The following PLCL1 variants were observed in gnomAD, a reference collection of about 807,000 sequenced individuals.
The protein encoded by PLCL1 is inactive phospholipase C-like protein 1.
In PLCL1, 41 loss-of-function variants were observed where a neutral mutation model predicts 84.4. The ratio of observed to expected loss-of-function variants is 0.49; its 90% CI spans 0.38 to 0.63. The LOEUF (loss-of-function observed/expected upper bound fraction) is 0.63, where lower values mean the gene tolerates loss of function less well. Ranked by LOEUF, PLCL1 falls within the 30% of genes least tolerant of loss-of-function variation. The pLI is 0.00. For missense variants in PLCL1, 1,206 were observed against 1,367.8 expected (o/e 0.88, Z 1.87); for synonymous variants, 490 against 488.3 (o/e 1.00, Z -0.05).
At chr2:198,130,102 C>T (rs945005294) in intron 5 of PLCL1, among the ~76,000 whole-genome samples, 1 of 152,090 alleles carries the variant, frequency 6.6e-6, no homozygotes, top group Non-Finnish European at 1.5e-5. Flanking sequence ...TCAAGCAATC[C>T]TCCTGCTTCA....
At chr2:197,860,730 T>C (rs2105693083) in intron 1 of PLCL1, among the ~76,000 whole-genome samples, 1 of 152,332 alleles carries the variant, frequency 6.6e-6, no homozygotes, top group Middle Eastern at 3.4e-3. Flanking sequence ...ACCGTTTTTC[T>C]TGTAAATTTG....
chr2:197,844,175 T>C (rs764630883), intron 1 of PLCL1, among the ~76,000 whole-genome samples: 5 of 152,146 alleles, frequency 3.3e-5, no homozygotes, highest in Non-Finnish European at 4.4e-5. Flanking sequence ...AATAGATAAT[T>C]TGATGGATTT....
intron 1 of PLCL1, among the ~76,000 whole-genome samples, chr2:197,891,201 T>C (rs890176768): frequency 2.6e-5 from 4 of 152,118 alleles, no homozygotes; most frequent in Non-Finnish European, 5.9e-5. Flanking sequence ...AAACATGTAA[T>C]TGCAATACTG....
intron 1 of PLCL1, among the ~76,000 whole-genome samples, chr2:197,972,962 C>A (rs1325304138): frequency 2.0e-5 from 3 of 152,200 alleles, no homozygotes; most frequent in African/African-American, 4.8e-5. Flanking sequence ...AAGAATCCAA[C>A]TGACACAGGT....
intron 1 of PLCL1, among the ~76,000 whole-genome samples, chr2:198,046,445 G>A (rs1192323597): frequency 6.6e-6 from 1 of 152,194 alleles, no homozygotes; most frequent in African/African-American, 2.4e-5. Flanking sequence ...CAGAAGACGG[G>A]TGATTTCTGC....
At chr2:197,897,156 CT>C (rs1429563005) in intron 1 of PLCL1, among the ~76,000 whole-genome samples, 8 of 32,384 alleles carry the variant, frequency 2.5e-4, no homozygotes, top group African/African-American at 1.9e-3. Flanking sequence ...TCTTCTTCTT[CT>C]TCTTCTTCTT....
chr2:197,875,179 G>A (rs889180772), intron 1 of PLCL1, among the ~76,000 whole-genome samples: 3 of 151,990 alleles, frequency 2.0e-5, no homozygotes, highest in Admixed American at 6.6e-5. Flanking sequence ...CCAGCTGCTC[G>A]GGAGGCTGAG....
intron 1 of PLCL1, among the ~76,000 whole-genome samples, chr2:197,952,668 A>T (rs1474501142): frequency 6.6e-6 from 1 of 152,032 alleles, no homozygotes; most frequent in African/African-American, 2.4e-5. Context: ...TCTCTTCTTG[A>T]GTTGTAGTTC....
At chr2:198,055,329 C>CTCTCTCTCTCTCTCTCTCTCTG (rs374518934) in intron 1 of PLCL1, among the ~76,000 whole-genome samples, 8 of 112,270 alleles carry the variant, frequency 7.1e-5, no homozygotes, top group African/African-American at 2.5e-4. Context: ...CTCTCTCTCT[C>CTCTCTCTCTCTCTCTCTCTCTG]TGTGTGTGTG....
intron 1 of PLCL1, among the ~76,000 whole-genome samples, chr2:198,078,797 G>A (rs1337057261): frequency 6.6e-6 from 1 of 152,040 alleles, no homozygotes; most frequent in Non-Finnish European, 1.5e-5. Flanking sequence ...TCAAAGGCAG[G>A]GAAGCTTGGG....
chr2:198,128,736 G>A (rs918492477), intron 5 of PLCL1, among the ~76,000 whole-genome samples: 5 of 152,144 alleles, frequency 3.3e-5, no homozygotes, highest in Non-Finnish European at 5.9e-5. Flanking sequence ...TAGTCAAGAA[G>A]GAGGTTTATT....
chr2:198,028,968 G>A (rs1691341660), intron 1 of PLCL1, among the ~76,000 whole-genome samples: 1 of 152,140 alleles, frequency 6.6e-6, no homozygotes, highest in Non-Finnish European at 1.5e-5. Context: ...ATTAGATATA[G>A]TTGGATTCAG....
At chr2:197,989,656 A>C (rs1320730599) in intron 1 of PLCL1, among the ~76,000 whole-genome samples, 2 of 152,112 alleles carry the variant, frequency 1.3e-5, no homozygotes, top group African/African-American at 4.8e-5. Context: ...GTGAGCTGAG[A>C]TCGCACCATT....
chr2:197,922,771 A>C (rs865814052), intron 1 of PLCL1, among the ~76,000 whole-genome samples: 20 of 69,572 alleles, frequency 2.9e-4, no homozygotes, highest in East Asian at 6.5e-4. Flanking sequence ...CTGGCCGGGC[A>C]GGGGGCTGAC....
At chr2:197,985,713 C>T (rs1191659525) in intron 1 of PLCL1, among the ~76,000 whole-genome samples, 1 of 152,214 alleles carries the variant, frequency 6.6e-6, no homozygotes, top group Non-Finnish European at 1.5e-5. Context: ...AGTTGTGGCA[C>T]AGACCTTGTG....
chr2:197,941,250 C>G (rs1698879605), intron 1 of PLCL1, among the ~76,000 whole-genome samples: 1 of 151,886 alleles, frequency 6.6e-6, no homozygotes, highest in South Asian at 2.1e-4. Flanking sequence ...GAAGCAAGTG[C>G]CCCCATGCAC....
chr2:197,966,402 G>A (rs1689735586), intron 1 of PLCL1, among the ~76,000 whole-genome samples: 1 of 152,124 alleles, frequency 6.6e-6, no homozygotes, highest in South Asian at 2.1e-4. Context: ...TAGCCAGGGT[G>A]ATAAGCCTTG....
chr2:197,838,464 C>T (rs1433595898), intron 1 of PLCL1, among the ~76,000 whole-genome samples: 1 of 152,038 alleles, frequency 6.6e-6, no homozygotes, highest in Non-Finnish European at 1.5e-5. Flanking sequence ...TTGGAGAAGA[C>T]TAAGGCTGGG....
intron 1 of PLCL1, among the ~76,000 whole-genome samples, chr2:198,038,251 C>A (rs1485888627): frequency 6.6e-6 from 1 of 152,094 alleles, no homozygotes; most frequent in Admixed American, 6.5e-5. Flanking sequence ...TTAAAATATT[C>A]CACATAGATT....
Sources: gnomAD v4.1 joint callset for allele counts (sites outside exome capture counted in the v4.1 genomes callset) on GRCh38, gnomAD v4.1.1 for gene constraint, MANE v1.5 for transcripts, NCBI Gene and HGNC (gene_info 2026-07-23, HGNC 2026-07-21) for gene names.